The following SMARCA1 variants were observed in gnomAD, a reference collection of about 807,000 sequenced individuals.
SMARCA1 encodes the protein SWI/SNF-related matrix-associated actin-dependent regulator of chromatin subfamily A member 1.
SMARCA1 carries 17 observed loss-of-function variants against 93.6 expected under a neutral mutation model. The ratio of observed to expected loss-of-function variants is 0.18; its 90% CI spans 0.12 to 0.27. The LOEUF is 0.27. SMARCA1 is among the 10% of genes least tolerant of loss of function. The probability of loss-of-function intolerance (pLI) is 1.00; values close to 1 mark genes in which losing one functional copy is unlikely to be tolerated. For missense variants in SMARCA1, 630 were observed against 819.0 expected (o/e 0.77, Z 2.82); for synonymous variants, 271 against 271.4 (o/e 1.00, Z 0.01).
intron 1 of SMARCA1, 31 bp from the exon 2 acceptor site, chrX:129,518,478 A>G (rs1443151625): frequency 1.0e-6 from 1 of 992,768 alleles, no homozygotes; most frequent in Non-Finnish European, 1.4e-6. Flanking sequence ...AATGTCACCA[A>G]ATTGCAAAGC....
At chrX:129,519,089 C>T (rs905889800) in intron 1 of SMARCA1, among the ~76,000 whole-genome samples, 2 of 111,758 alleles carry the variant, frequency 1.8e-5, no homozygotes, top group African/African-American at 6.5e-5. Flanking sequence ...ATTGCATAAA[C>T]ATCTTGTAGA....
chrX:129,508,323 G>C (rs1008303097), intron 6 of SMARCA1, among the ~76,000 whole-genome samples: 5 of 111,671 alleles, frequency 4.5e-5, no homozygotes, highest in African/African-American at 1.6e-4. Context: ...AGAAACAAAG[G>C]CTTCCCTTAC....
chrX:129,500,833 C>T (rs930302699), intron 9 of SMARCA1, among the ~76,000 whole-genome samples: 4 of 111,873 alleles, frequency 3.6e-5, no homozygotes, highest in African/African-American at 9.8e-5. Flanking sequence ...ATCATCTATG[C>T]GGTCCATCGT....
At chrX:129,461,852 A>G (rs752088724) in intron 23 of SMARCA1, among the ~76,000 whole-genome samples, 2 of 111,983 alleles carry the variant, frequency 1.8e-5, no homozygotes, top group East Asian at 5.6e-4. Context: ...AGACCACACA[A>G]ATTCTCAGAG....
intron 23 of SMARCA1, among the ~76,000 whole-genome samples, chrX:129,453,535 T>C (rs1456158514): frequency 8.9e-6 from 1 of 112,192 alleles, no homozygotes; most frequent in African/African-American, 3.2e-5. Context: ...TGATTGTACA[T>C]TTATAAAACT....
At chrX:129,477,178 T>C (rs760928831) in intron 19 of SMARCA1, among the ~76,000 whole-genome samples, 38 of 111,694 alleles carry the variant, frequency 3.4e-4, no homozygotes, top group African/African-American at 1.1e-3. Context: ...TCTTCTCTCA[T>C]TTTGATACTT....
At chrX:129,494,380 T>G (rs1934242004) in intron 12 of SMARCA1, among the ~76,000 whole-genome samples, 1 of 111,699 alleles carries the variant, frequency 9.0e-6, no homozygotes, top group South Asian at 3.8e-4. Context: ...GTGAAAAAAC[T>G]ATAGCACACG....
At chrX:129,505,213 T>C in intron 8 of SMARCA1, among the ~76,000 whole-genome samples, 1 of 112,030 alleles carries the variant, frequency 8.9e-6, no homozygotes, top group Non-Finnish European at 1.9e-5. Context: ...TTATTATCAA[T>C]TAACAGTCAT....
At chrX:129,522,822 G>A (rs1935452932) in intron 1 of SMARCA1, among the ~76,000 whole-genome samples, 1 of 111,475 alleles carries the variant, frequency 9.0e-6, no homozygotes, top group African/African-American at 3.3e-5. Flanking sequence ...GGGAGCGAGC[G>A]AGAGGAGAGG....
chrX:129,519,104 A>G (rs1460584171), intron 1 of SMARCA1, among the ~76,000 whole-genome samples: 3 of 111,873 alleles, frequency 2.7e-5, no homozygotes, highest in Non-Finnish European at 5.7e-5. Context: ...TGTAGAAGCA[A>G]TTTGTCAAGG....
intron 11 of SMARCA1, 142 bp from the exon 12 acceptor site, chrX:129,497,013 A>C: frequency 2.2e-6 from 1 of 451,877 alleles, no homozygotes; most frequent in African/African-American, 2.4e-5. Flanking sequence ...ACACACACAC[A>C]CACACACACC....
At chrX:129,463,262 A>G (rs1246257703) in intron 23 of SMARCA1, among the ~76,000 whole-genome samples, 1 of 111,809 alleles carries the variant, frequency 8.9e-6, no homozygotes, top group East Asian at 2.8e-4. Context: ...TTACATGTAT[A>G]AAACCCCAAA....
At chrX:129,483,726 C>T (rs1300466851) in intron 17 of SMARCA1, among the ~76,000 whole-genome samples, 1 of 111,872 alleles carries the variant, frequency 8.9e-6, no homozygotes, top group Non-Finnish European at 1.9e-5. Flanking sequence ...AATTAGTTTA[C>T]TTTACATAAG....
At chrX:129,504,569 A>AAAAAAAAAC (rs1934724612) in intron 9 of SMARCA1, among the ~76,000 whole-genome samples, 165 bp downstream of exon 9, 1 of 98,385 alleles carries the variant, frequency 1.0e-5, no homozygotes, top group African/African-American at 4.1e-5. Context: ...AAAAAAAAAA[A>AAAAAAAAAC]AAAAAAAAAA....
chrX:129,515,472 G>T (rs1362898870), intron 5 of SMARCA1, among the ~76,000 whole-genome samples: 1 of 110,946 alleles, frequency 9.0e-6, no homozygotes, highest in Non-Finnish European at 1.9e-5. Flanking sequence ...AGGGTACAGT[G>T]AGCCGAGATT....
intron 20 of SMARCA1, among the ~76,000 whole-genome samples, chrX:129,470,393 A>AAATAATAAT (rs200015779): frequency 1.8e-5 from 2 of 110,257 alleles, no homozygotes; most frequent in Non-Finnish European, 3.8e-5. Context: ...TGATCACCTT[A>AAATAATAAT]AATAATAATA....
At chrX:129,476,126 C>T (rs1337612210) in intron 19 of SMARCA1, among the ~76,000 whole-genome samples, 1 of 111,955 alleles carries the variant, frequency 8.9e-6, no homozygotes, top group Admixed American at 9.5e-5. Context: ...ATTAAGTCGT[C>T]CTCTTCCAAT....
At chrX:129,483,414 C>T (rs975119832) in intron 17 of SMARCA1, among the ~76,000 whole-genome samples, 3 of 110,782 alleles carry the variant, frequency 2.7e-5, no homozygotes, top group Non-Finnish European at 5.7e-5. Flanking sequence ...CCTGAGATAC[C>T]GATATTATAA....
At chrX:129,512,051 C>A (rs1400341069) in intron 5 of SMARCA1, 68 bp from the exon 6 acceptor site, 10 of 852,935 alleles carry the variant, frequency 1.2e-5, no homozygotes, top group East Asian at 3.2e-5. Flanking sequence ...TTGTTAGGAA[C>A]AACATAACAA....
Sources: allele counts gnomAD v4.1 joint callset (sites outside exome capture counted in the v4.1 genomes callset), GRCh38; gene constraint gnomAD v4.1.1; transcripts MANE v1.5; gene names NCBI Gene and HGNC (gene_info 2026-07-23, HGNC 2026-07-21).